The following BMAL2 variants were observed in gnomAD, a reference collection of about 807,000 sequenced individuals.
BMAL2 encodes the protein basic helix-loop-helix ARNT like 2.
chr12:27,360,253 A>T, the BMAL2 span, among the ~76,000 whole-genome samples: 15 of 152,144 alleles, frequency 9.9e-5, no homozygotes, highest in Admixed American at 9.8e-4. Flanking sequence ...AAAAGTCTCA[A>T]GAAAGACAAA....
At chr12:27,363,106 G>C in the BMAL2 span, among the ~76,000 whole-genome samples, 6 of 152,112 alleles carry the variant, frequency 3.9e-5, no homozygotes, top group Non-Finnish European at 8.8e-5. Flanking sequence ...CACTGCACCT[G>C]GCCAGCATTA....
chr12:27,340,927 G>A, the BMAL2 span, among the ~76,000 whole-genome samples: 8 of 152,146 alleles, frequency 5.3e-5, no homozygotes, highest in South Asian at 4.2e-4. Flanking sequence ...TTTATGTATC[G>A]GAATGCTAGT....
At chr12:27,337,192 T>A in the BMAL2 span, among the ~76,000 whole-genome samples, 31 of 152,170 alleles carry the variant, frequency 2.0e-4, no homozygotes, top group African/African-American at 7.0e-4. Flanking sequence ...GAAAAGGAAA[T>A]GTAAAGAGAA....
the BMAL2 span, among the ~76,000 whole-genome samples, chr12:27,410,733 C>T: frequency 6.6e-6 from 1 of 151,834 alleles, no homozygotes; most frequent in African/African-American, 2.4e-5. Context: ...TACCCTAAAA[C>T]TAAAAGTGTA....
the BMAL2 span, among the ~76,000 whole-genome samples, chr12:27,343,965 T>C: frequency 6.6e-6 from 1 of 152,326 alleles, no homozygotes; most frequent in East Asian, 1.9e-4. Context: ...TATAATTCTC[T>C]TTTTGGTTCT....
chr12:27,360,803 C>CAAAAAAAAAAAAAAAAAAAAAAAAAAAA, the BMAL2 span, among the ~76,000 whole-genome samples: 14 of 46,790 alleles, frequency 3.0e-4, 4 homozygotes, highest in Admixed American at 8.1e-4. Flanking sequence ...GTGATTTGTC[C>CAAAAAAAAAAAAAAAAAAAAAAAAAAAA]AAAAAAAAAA....
chr12:27,383,577 G>A, the BMAL2 span, among the ~76,000 whole-genome samples: 2 of 152,134 alleles, frequency 1.3e-5, no homozygotes, highest in Non-Finnish European at 2.9e-5. Flanking sequence ...TGTGATGGCT[G>A]ATGTACACCG....
chr12:27,337,756 T>C, the BMAL2 span, among the ~76,000 whole-genome samples: 2 of 152,206 alleles, frequency 1.3e-5, no homozygotes, highest in Admixed American at 6.5e-5. Flanking sequence ...TGAGCCCCAA[T>C]TTCCTTATCT....
At chr12:27,418,615 GTAAA>G in the BMAL2 span, among the ~76,000 whole-genome samples, 8 of 151,186 alleles carry the variant, frequency 5.3e-5, no homozygotes, top group Admixed American at 1.3e-4. Flanking sequence ...AAAAAAAAAA[GTAAA>G]TAAATAAATA....
chr12:27,398,694 T>C, the BMAL2 span, among the ~76,000 whole-genome samples: 1 of 152,180 alleles, frequency 6.6e-6, no homozygotes, highest in Non-Finnish European at 1.5e-5. Context: ...GAAATATAGA[T>C]AGTAACCTGT....
the BMAL2 span, among the ~76,000 whole-genome samples, chr12:27,375,697 A>T: frequency 6.6e-6 from 1 of 152,348 alleles, no homozygotes; most frequent in East Asian, 1.9e-4. Flanking sequence ...TAAATCTTTT[A>T]AGATTACATA....
At chr12:27,394,044 G>A in the BMAL2 span, among the ~76,000 whole-genome samples, 2 of 152,148 alleles carry the variant, frequency 1.3e-5, no homozygotes, top group Admixed American at 6.5e-5. Flanking sequence ...TGATCTTCCC[G>A]CCTCAGCCTC....
At chr12:27,340,169 C>A in the BMAL2 span, among the ~76,000 whole-genome samples, 1 of 152,190 alleles carries the variant, frequency 6.6e-6, no homozygotes, top group African/African-American at 2.4e-5. Context: ...ATAATGAAAT[C>A]TTTGCCTGTT....
At chr12:27,416,069 T>C in the BMAL2 span, 27 of 679,756 alleles carry the variant, frequency 4.0e-5, no homozygotes, top group Non-Finnish European at 5.9e-5. Flanking sequence ...CCCATTTTGA[T>C]CACTCAGTGA....
At chr12:27,368,367 C>G in the BMAL2 span, 1 of 1,614,160 alleles carries the variant, frequency 6.2e-7, no homozygotes, top group Non-Finnish European at 8.5e-7. Context: ...TCACACATGA[C>G]AGAGTTTCCA....
At chr12:27,376,422 T>G in the BMAL2 span, 1 of 1,604,970 alleles carries the variant, frequency 6.2e-7, no homozygotes, top group Non-Finnish European at 8.5e-7. Flanking sequence ...ACATGGTGAG[T>G]GGAAAGGTAC....
chr12:27,411,048 G>C, the BMAL2 span, among the ~76,000 whole-genome samples: 1 of 151,946 alleles, frequency 6.6e-6, no homozygotes, highest in East Asian at 1.9e-4. Flanking sequence ...AAATTATTAA[G>C]CTTTATATTA....
chr12:27,400,403 C>T, the BMAL2 span: 10 of 707,358 alleles, frequency 1.4e-5, no homozygotes, highest in Non-Finnish European at 2.1e-5. Flanking sequence ...GAATACCATT[C>T]CCCTTTCATA....
At chr12:27,368,642 A>G in the BMAL2 span, among the ~76,000 whole-genome samples, 1 of 152,224 alleles carries the variant, frequency 6.6e-6, no homozygotes, top group Non-Finnish European at 1.5e-5. Context: ...GAGACATAGG[A>G]ACATGAGTTT....
Sources: gnomAD v4.1 joint callset for allele counts (sites outside exome capture counted in the v4.1 genomes callset) on GRCh38, gnomAD v4.1.1 for gene constraint, MANE v1.5 for transcripts, NCBI Gene and HGNC (gene_info 2026-07-23, HGNC 2026-07-21) for gene names.